HSCB: variants seen among roughly 807,000 people sequenced by gnomAD.
The protein encoded by HSCB is HscB mitochondrial iron-sulfur cluster cochaperone, also known as iron-sulfur cluster co-chaperone protein HscB.
Under a neutral mutation model 31.3 loss-of-function variants are expected in HSCB, and 23 were observed. The ratio of observed to expected loss-of-function variants is 0.74; its 90% CI spans 0.53 to 1.04. HSCB has a LOEUF of 1.04. Ranked by LOEUF, HSCB falls within the 50% of genes least tolerant of loss-of-function variation. The pLI, the probability that HSCB is intolerant of heterozygous loss-of-function variation, is 0.00. For missense variants in HSCB, 297 were observed against 288.1 expected (o/e 1.03, Z -0.22); for synonymous variants, 110 against 104.5 (o/e 1.05, Z -0.32).
intron 4 of HSCB, among the ~76,000 whole-genome samples, chr22:28,746,874 G>C (rs532126449): frequency 6.7e-6 from 1 of 150,336 alleles, no homozygotes; most frequent in Non-Finnish European, 1.5e-5. Flanking sequence ...ATTATAGCCT[G>C]GACGACAGAG....
intron 1 of HSCB, chr22:28,742,607 A>T: frequency 1.3e-5 from 4 of 309,436 alleles, no homozygotes; most frequent in African/African-American, 2.7e-5. Context: ...CCGAGGCTAG[A>T]GGGGAGGGAG....
Position 28,757,257 on chromosome 22 carries a change from T to A in HSCB, c.*88T>A, listed in dbSNP as rs983999019. 4 of 664,330 alleles carry A rather than the reference T, an allele frequency of 6.0e-6. No individual in the cohort carries two copies. The highest frequency in any genetic ancestry group is 1.1e-5 in the Non-Finnish European group (4 of 369,736). The allele number at this position is 664,330 out of a possible 1,614,324, so 41.2% of individuals were successfully genotyped here. A position where few individuals can be genotyped will look rare whatever the true frequency, so the allele number is the denominator to read the frequency against. ...ATCCCAGCACTTTGGGAGGCTGAGG[T>A]GGGTGGATGACAAGGTCAGGAGTTC... On this transcript the variant is annotated 3_prime_UTR_variant, in exon 6 of 6. Transcript: ENST00000216027.
chr22:28,756,313 G>A (rs1409708945), intron 5 of HSCB, among the ~76,000 whole-genome samples: 2 of 151,180 alleles, frequency 1.3e-5, no homozygotes, highest in Admixed American at 6.6e-5. Flanking sequence ...ATAAGCCCCC[G>A]GAGGGTACCT....
intron 3 of HSCB, 128 bp from the exon 4 acceptor site, chr22:28,745,736 A>G: frequency 1.4e-6 from 1 of 731,166 alleles, no homozygotes; most frequent in Non-Finnish European, 2.2e-6. Flanking sequence ...GATACCCCTT[A>G]GTCTTTCATT....
At chr22:28,744,974 T>G (rs566631579) in intron 3 of HSCB, among the ~76,000 whole-genome samples, 1 of 151,110 alleles carries the variant, frequency 6.6e-6, no homozygotes, top group East Asian at 2.0e-4. Context: ...TCCCAGCTAC[T>G]CTGGAAGCTG....
intron 4 of HSCB, among the ~76,000 whole-genome samples, chr22:28,748,622 C>T (rs1440713697): frequency 2.0e-5 from 3 of 152,044 alleles, no homozygotes; most frequent in Non-Finnish European, 4.4e-5. Context: ...CAGCTATTCT[C>T]CTGCCTCTGC....
intron 4 of HSCB, 57 bp from the exon 5 acceptor site, chr22:28,751,184 C>A: frequency 1.9e-6 from 2 of 1,038,520 alleles, no homozygotes; most frequent in Non-Finnish European, 1.5e-6. Flanking sequence ...TAAGTATTGT[C>A]TTCATATTAT....
rs1267988188 is a variant in HSCB at position 28,744,686 on chromosome 22, G to A, written c.405G>A (p.Leu135=). Residue 135 remains leucine, a synonymous_variant, in exon 3 of 6, where the codon CTG becomes CTA. Coordinates refer to ENST00000216027, the MANE Select transcript of HSCB (RefSeq NM_172002.5). Reference sequence around the variant, plus strand: ...CCTATAAGACCCTCCTGGCCCCCCTGAGCAGAGGACTGTACCTTGTAAGGT... The same window carrying A: ...CCTATAAGACCCTCCTGGCCCCCCTAAGCAGAGGACTGTACCTTGTAAGGT... ...NDAYKTLLAP[L]SRGLYLLKLH... is the part of the protein sequence containing the mutation. The A allele has an allele frequency of 3.1e-6, 5 of 1,613,464 alleles. No homozygotes were observed. Among genetic ancestry groups the A allele is most frequent in the African/African-American group, 1.3e-5 (1 of 74,908 alleles).
At chr22:28,746,863 C>T (rs929467421) in intron 4 of HSCB, among the ~76,000 whole-genome samples, 10 of 147,246 alleles carry the variant, frequency 6.8e-5, no homozygotes, top group African/African-American at 2.5e-4. Context: ...CGTGCCACTG[C>T]ATTATAGCCT....
chr22:28,744,013 A>C, intron 2 of HSCB, 35 bp downstream of exon 2: 1 of 1,422,392 alleles, frequency 7.0e-7, no homozygotes, highest in Non-Finnish European at 9.9e-7. Flanking sequence ...ATCCCCAAAT[A>C]TGTGTGCACA....
At chr22:28,744,535 C>A in intron 2 of HSCB, 80 bp from the exon 3 acceptor site, 1 of 1,022,676 alleles carries the variant, frequency 9.8e-7, no homozygotes, top group Non-Finnish European at 1.5e-6. Context: ...GCCTGGATGA[C>A]TCAACGTCAA....
intron 1 of HSCB, among the ~76,000 whole-genome samples, chr22:28,743,122 C>G (rs1021984591): frequency 1.3e-5 from 2 of 152,144 alleles, no homozygotes; most frequent in Non-Finnish European, 2.9e-5. Context: ...TGTAGAGGGG[C>G]CACTGCAATA....
At chr22:28,743,043 T>G (rs1256024589) in intron 1 of HSCB, among the ~76,000 whole-genome samples, 1 of 151,828 alleles carries the variant, frequency 6.6e-6, no homozygotes, top group Non-Finnish European at 1.5e-5. Context: ...AAAGTTAGGG[T>G]GGTATTAAAG....
intron 5 of HSCB, 138 bp downstream of exon 5, chr22:28,751,426 A>G: frequency 1.9e-6 from 1 of 533,538 alleles, no homozygotes. Flanking sequence ...ATGAGTCTAC[A>G]TTTCTGTCTT....
At position 28,746,268 on chromosome 22, in the gene HSCB, C is replaced by T. The variant is rs570922843; in HGVS notation, c.568+260C>T. On this transcript the variant is annotated intron_variant, in intron 4 of 5. Transcript: ENST00000216027. ...TGGTGGCGGGTGCCTGTAGTCCCAG[C>T]TACTCGGGAGGCTGAGGCAGGAGAA... Among the ~76,000 whole-genome samples, 5 of 150,302 alleles carry T rather than the reference C, an allele frequency of 3.3e-5. No individual in the cohort carries two copies. The South Asian group carries it at 8.4e-4, about 25-fold the overall frequency.
At chr22:28,754,664 T>A (rs532855596) in intron 5 of HSCB, among the ~76,000 whole-genome samples, 10 of 151,874 alleles carry the variant, frequency 6.6e-5, no homozygotes, top group Non-Finnish European at 1.5e-4. Context: ...AGCAAGACTC[T>A]ATCTCAAAAA....
At chr22:28,742,422 G>A (rs538584463) in intron 1 of HSCB, 91 bp downstream of exon 1, 8 of 1,531,972 alleles carry the variant, frequency 5.2e-6, no homozygotes, top group Non-Finnish European at 7.1e-6. Flanking sequence ...GCTGGCGGAA[G>A]AGAAGGCGGG....
At chr22:28,748,752 G>A (rs552305304) in intron 4 of HSCB, among the ~76,000 whole-genome samples, 22 of 152,006 alleles carry the variant, frequency 1.4e-4, no homozygotes, top group African/African-American at 5.3e-4. Flanking sequence ...CCTGACCTCA[G>A]GTGATCCATC....
At position 28,746,241 on chromosome 22, in the gene HSCB, C is replaced by T. The variant is rs144176384; in HGVS notation, c.568+233C>T. On this transcript the variant is annotated intron_variant, in intron 4 of 5. Coordinates refer to ENST00000216027, the MANE Select transcript of HSCB (RefSeq NM_172002.5). ...ACTGAAAATACAAAAATTAGCCGGG[C>T]GTGGTGGCGGGTGCCTGTAGTCCCA... 0.02 allele frequency among the ~76,000 whole-genome samples: 3,056 copies of T among 151,682 alleles called. 104 individuals carry two copies. The highest frequency in any genetic ancestry group is 0.071 in the African/African-American group (2,918 of 41,350).
Sources: gnomAD v4.1 joint callset for allele counts (sites outside exome capture counted in the v4.1 genomes callset) on GRCh38, gnomAD v4.1.1 for gene constraint, MANE v1.5 for transcripts, NCBI Gene and HGNC (gene_info 2026-07-23, HGNC 2026-07-21) for gene names.